The following TIE1 variants were observed in gnomAD, a reference collection of about 807,000 sequenced individuals.
The protein encoded by TIE1 is tyrosine kinase with immunoglobulin like and EGF like domains 1, also known as tyrosine-protein kinase receptor Tie-1.
In TIE1, 89 loss-of-function variants were observed where a neutral mutation model predicts 130.5. The ratio of observed to expected loss-of-function variants is 0.68; its 90% CI spans 0.57 to 0.81. The LOEUF (loss-of-function observed/expected upper bound fraction) is 0.81, where lower values mean the gene tolerates loss of function less well. TIE1 is among the 40% of genes least tolerant of loss of function. The pLI, the probability that TIE1 is intolerant of heterozygous loss-of-function variation, is 0.00. For missense variants in TIE1, 1,392 were observed against 1,559.8 expected (o/e 0.89, Z 1.81); for synonymous variants, 568 against 629.4 (o/e 0.90, Z 1.46).
intron 1 of TIE1, among the ~76,000 whole-genome samples, chr1:43,301,331 T>C (rs374468086): frequency 2.6e-5 from 4 of 152,136 alleles, no homozygotes; most frequent in African/African-American, 4.8e-5. Flanking sequence ...AAAAGAGTTA[T>C]AAACATGGGG....
intron 14 of TIE1, among the ~76,000 whole-genome samples, chr1:43,314,940 A>G (rs1646845053): frequency 6.6e-6 from 1 of 152,110 alleles, no homozygotes; most frequent in Non-Finnish European, 1.5e-5. Flanking sequence ...ACCCCTTCCC[A>G]CTTAGACAAC....
At chr1:43,311,152 T>C (rs1422505109) in intron 9 of TIE1, among the ~76,000 whole-genome samples, 1 of 152,164 alleles carries the variant, frequency 6.6e-6, no homozygotes, top group African/African-American at 2.4e-5. Flanking sequence ...TGTGTGTCCT[T>C]AGGCAAGTTA....
In TIE1 at chr1:43,319,988, A is replaced by AC; in HGVS notation, c.3107+459_3107+460insC. 1 of 221,938 alleles carries AC rather than the reference A, an allele frequency of 4.5e-6. No individual in the cohort carries two copies. The highest frequency in any genetic ancestry group is 9.1e-6 in the Non-Finnish European group (1 of 109,810). 13.7% of individuals were successfully genotyped at this position (221,938 alleles called of 1,614,324 possible). A position where few individuals can be genotyped will look rare whatever the true frequency, so the allele number is the denominator to read the frequency against. On this transcript the variant is annotated intron_variant, in intron 19 of 22. Transcript: ENST00000372476. This position sits in a 1 kb window ranked among gnomAD's most constrained non-coding sequence, Gnocchi z 4.7. ...GCACACTCCTCCTGTCTCTCCAGGGATGTCCATCTTGATCTGAACCTACCC... is the reference window on the plus strand; with the variant it reads ...GCACACTCCTCCTGTCTCTCCAGGGACTGTCCATCTTGATCTGAACCTACCC...
chr1:43,319,437 C>T lies in TIE1; in HGVS notation c.3037-22C>T, dbSNP rs1222253535. 1.2e-6 allele frequency: 2 copies of T among 1,614,030 alleles called. No homozygotes were observed. Among genetic ancestry groups the T allele is most frequent in the South Asian group, 1.1e-5 (1 of 91,064 alleles). ...ACAGGCCCTTCCTCCACACTCAGCC[C>T]CTCAAACCCATTCTCTCCTAGGGGC... On this transcript the variant is annotated intron_variant, in intron 18 of 22. Coordinates refer to ENST00000372476, the MANE Select transcript of TIE1 (RefSeq NM_005424.5). The surrounding 1 kb of genome is among the most constrained non-coding windows in gnomAD (Gnocchi z 4.7).
At chr1:43,305,369 G>A (rs1262261770) in intron 3 of TIE1, 26 bp downstream of exon 3, 2 of 1,518,460 alleles carry the variant, frequency 1.3e-6, no homozygotes, top group East Asian at 4.8e-5. Flanking sequence ...TGAACTGGTG[G>A]GGAGGGTAGA....
In TIE1 at chr1:43,314,415, G is replaced by A. The variant is rs1646839290; in HGVS notation, c.2409+447G>A. Reference sequence around the variant, plus strand: ...TGGGCTCGGGAGCCAGCCTCTGTCTGCACACATCTTTGGCTGATGTTCTTA... The same window carrying A: ...TGGGCTCGGGAGCCAGCCTCTGTCTACACACATCTTTGGCTGATGTTCTTA... On this transcript the variant is annotated intron_variant, in intron 14 of 22. Transcript: ENST00000372476. The A allele has an allele frequency of 9.0e-6, 10 of 1,106,730 alleles. No individual in the cohort carries two copies. The South Asian group carries it at 2.0e-4, about 23-fold the overall frequency. The allele number at this position is 1,106,730 out of a possible 1,614,324, so 68.6% of individuals were successfully genotyped here. A position where few individuals can be genotyped will look rare whatever the true frequency, so the allele number is the denominator to read the frequency against.
chr1:43,307,451 T>G lies in TIE1; in HGVS notation c.792T>G (p.Phe264Leu), dbSNP rs763707391. ...RCEQACREGR[F>L]GQSCQEQCPG... ...TTCTAGCCTGCAGAGAGGGCCGTTT[T>G]GGGCAGAGCTGCCAGGAGCAGTGCC... Residue 264 changes from phenylalanine to leucine, a missense_variant, in exon 6 of 23, where the codon TTT becomes TTG. Phe to Leu is a conservative substitution (Grantham distance 22, BLOSUM62 0). Coordinates refer to ENST00000372476, the MANE Select transcript of TIE1 (RefSeq NM_005424.5). The surrounding 1 kb of genome is among the most constrained non-coding windows in gnomAD (Gnocchi z 5.4). 4.3e-6 allele frequency: 7 copies of G among 1,614,030 alleles called. No individual in the cohort carries two copies. In the East Asian group the frequency reaches 1.6e-4, roughly 36 times the overall value.
intron 14 of TIE1, chr1:43,314,279 T>A (rs1646837488): frequency 1.1e-6 from 1 of 911,744 alleles, no homozygotes; most frequent in African/African-American, 1.7e-5. Flanking sequence ...TTGGAGATTT[T>A]CCTCTCCCCT....
chr1:43,313,631 C>A lies in TIE1; in HGVS notation c.2219-147C>A. ...AAAATCATGTCGCCCCTCTGACACC[C>A]CTCATCCCTTCCTTCATGTGGCCCA... On this transcript the variant is annotated intron_variant, in intron 13 of 22. Coordinates refer to ENST00000372476, the MANE Select transcript of TIE1 (RefSeq NM_005424.5). This position sits in a 1 kb window ranked among gnomAD's most constrained non-coding sequence, Gnocchi z 6.2. 1 of 1,048,464 alleles carries A rather than the reference C, an allele frequency of 9.5e-7. No individual in the cohort carries two copies. The highest frequency in any genetic ancestry group is 1.4e-6 in the Non-Finnish European group (1 of 740,270). The allele number at this position is 1,048,464 out of a possible 1,614,324, so 64.9% of individuals were successfully genotyped here.
In TIE1 at chr1:43,317,417, G is replaced by T. The variant is rs1346066791; in HGVS notation, c.2620+8G>T. On this transcript the variant is annotated splice_region_variant and intron_variant, in intron 15 of 22. Transcript: ENST00000372476. This position sits in a 1 kb window ranked among gnomAD's most constrained non-coding sequence, Gnocchi z 5.1. ...CCATCAAAATGCTGAAAGGTCCACT[G>T]GGGCGACCCCTGGCCCAGCCCTGAT... The T allele has an allele frequency of 6.2e-7, 1 of 1,614,016 alleles. No homozygotes were observed.
Position 43,322,205 on chromosome 1 carries a change from T to G in TIE1, c.3346-446T>G, listed in dbSNP as rs1646927330. 6.6e-6 allele frequency among the ~76,000 whole-genome samples: 1 copy of G among 152,230 alleles called. No individual in the cohort carries two copies. The highest frequency in any genetic ancestry group is 6.5e-5 in the Admixed American group (1 of 15,288). On this transcript the variant is annotated intron_variant, in intron 22 of 22. Coordinates refer to ENST00000372476, the MANE Select transcript of TIE1 (RefSeq NM_005424.5). This position sits in a 1 kb window ranked among gnomAD's most constrained non-coding sequence, Gnocchi z 4.0. ...TAACTCAATCTACTAACCATGTGAA[T>G]AAGTGAATTATCAAATAAATATAAT...
Position 43,312,551 on chromosome 1 carries a change from C to A in TIE1, c.1877C>A (p.Thr626Asn). 1 of 1,613,224 alleles carries A rather than the reference C, an allele frequency of 6.2e-7. No homozygotes were observed. Among genetic ancestry groups the A allele is most frequent in the Non-Finnish European group, 8.5e-7 (1 of 1,179,768 alleles). Residue 626 changes from threonine to asparagine, a missense_variant, in exon 12 of 23, where the codon ACC becomes AAC. Around this residue, in one of 6 missense-constraint regions of TIE1, gnomAD observed 551 missense variants for 565.5 expected, o/e 0.97. Transcript: ENST00000372476. The surrounding 1 kb of genome is among the most constrained non-coding windows in gnomAD (Gnocchi z 5.6). ...CTGGATGTGCAGCTCTACCACTGCACCCTCCTGGGCCCGGCCTCGCCCCCT... is the reference window on the plus strand; with the variant it reads ...CTGGATGTGCAGCTCTACCACTGCAACCTCCTGGGCCCGGCCTCGCCCCCT... ...YQLDVQLYHCTLLGPASPPAH... is the reference protein window; with the variant it reads ...YQLDVQLYHCNLLGPASPPAH...
Position 43,317,619 on chromosome 1 carries a change from C to T in TIE1, c.2676C>T (p.Cys892=). ...RDFAGELEVL[C]KLGHHPNIIN... ...TTGCGGGAGAACTGGAAGTTCTGTG[C>T]AAATTGGGGCATCACCCCAACATCA... is the stretch of plus-strand genomic sequence containing the variant. Residue 892 remains cysteine (C), a synonymous_variant, in exon 16 of 23, where the codon TGC becomes TGT. Coordinates refer to ENST00000372476, the MANE Select transcript of TIE1 (RefSeq NM_005424.5). The surrounding 1 kb of genome is among the most constrained non-coding windows in gnomAD (Gnocchi z 5.1). 3.1e-6 allele frequency: 5 copies of T among 1,607,850 alleles called. No individual in the cohort carries two copies. The highest frequency in any genetic ancestry group is 3.4e-6 in the Non-Finnish European group (4 of 1,175,988).
Position 43,307,615 on chromosome 1 carries a change from G to T in TIE1, c.913+43G>T, listed in dbSNP as rs558714585. On this transcript the variant is annotated intron_variant, in intron 6 of 22. Transcript: ENST00000372476. This position sits in a 1 kb window ranked among gnomAD's most constrained non-coding sequence, Gnocchi z 5.4. ...TCATGGTCCCTGACCAAGACAGCTG[G>T]CCAGGAGCTTGACCCGGACCCTCCA... The T allele has an allele frequency of 2.9e-5, 47 of 1,613,042 alleles. 1 individual carries two copies. The Middle Eastern group carries it at 6.6e-4, about 23-fold the overall frequency.
chr1:43,311,679 G>A lies in TIE1; in HGVS notation c.1342G>A (p.Val448Met), dbSNP rs56302794. The A allele has an allele frequency of 7.3e-4, 1,172 of 1,612,584 alleles. 5 individuals are homozygous for A. Among genetic ancestry groups the A allele is most frequent in the Middle Eastern group, 2.4e-3 (14 of 5,784 alleles). Residue 448 changes from valine to methionine, a missense_variant, in exon 10 of 23, where the codon GTG becomes ATG. By Grantham distance (21) the Val-to-Met change is conservative (BLOSUM62 1). Around this residue, in one of 6 missense-constraint regions of TIE1, gnomAD observed 551 missense variants for 565.5 expected, o/e 0.97. Coordinates refer to ENST00000372476, the MANE Select transcript of TIE1 (RefSeq NM_005424.5). Reference protein sequence around the residue: ...RFKVNVKVPPVPLAAPRLLTK... With the variant: ...RFKVNVKVPPMPLAAPRLLTK... Reference sequence around the variant, plus strand: ...CCTGAGTCTCCTGGCAGTGCCCCCCGTGCCCCTGGCTGCACCTCGGCTCCT... The same window carrying A: ...CCTGAGTCTCCTGGCAGTGCCCCCCATGCCCCTGGCTGCACCTCGGCTCCT...
intron 3 of TIE1, 35 bp downstream of exon 3, chr1:43,305,378 G>A (rs756546577): frequency 2.0e-6 from 3 of 1,490,510 alleles, no homozygotes; most frequent in Non-Finnish European, 2.7e-6. Context: ...GGGGAGGGTA[G>A]ACCCATCGTT....
Position 43,313,611 on chromosome 1 carries a change from C to A in TIE1, c.2219-167C>A. The stretch of plus-strand genomic sequence containing the variant: ...TCCACTGTCCCAGGGCTGGGAAAAT[C>A]ATGTCGCCCCTCTGACACCCCTCAT... On this transcript the variant is annotated intron_variant, in intron 13 of 22. Transcript: ENST00000372476. This position sits in a 1 kb window ranked among gnomAD's most constrained non-coding sequence, Gnocchi z 6.2. 1 of 1,056,500 alleles carries A rather than the reference C, an allele frequency of 9.5e-7. No individual in the cohort carries two copies. Among genetic ancestry groups the A allele is most frequent in the Non-Finnish European group, 1.3e-6 (1 of 747,474 alleles). 65.4% of individuals were successfully genotyped at this position (1,056,500 alleles called of 1,614,324 possible).
At chr1:43,303,828 C>A (rs1333007154) in intron 1 of TIE1, among the ~76,000 whole-genome samples, 1 of 152,146 alleles carries the variant, frequency 6.6e-6, no homozygotes, top group African/African-American at 2.4e-5. Context: ...CGCCAATGTG[C>A]CCTGCTCCAA....
Position 43,319,759 on chromosome 1 carries a change from TTA to T in TIE1, c.3107+232_3107+233del. 1 of 566,768 alleles carries T rather than the reference TTA, an allele frequency of 1.8e-6. No individual in the cohort carries two copies. The highest frequency in any genetic ancestry group is 3.2e-6 in the Non-Finnish European group (1 of 314,994). 35.1% of individuals were successfully genotyped at this position (566,768 alleles called of 1,614,324 possible). Reference sequence around the variant, plus strand: ...GGACTGGGGTAAAGGTAGTTTCGGATTATGTTTGTGTAAGTGACGGGGGATGC... The same window carrying T: ...GGACTGGGGTAAAGGTAGTTTCGGATTGTTTGTGTAAGTGACGGGGGATGC... On this transcript the variant is annotated intron_variant, in intron 19 of 22. Transcript: ENST00000372476. The surrounding 1 kb of genome is among the most constrained non-coding windows in gnomAD (Gnocchi z 4.7).
Sources: allele counts gnomAD v4.1 joint callset (sites outside exome capture counted in the v4.1 genomes callset), GRCh38; gene constraint gnomAD v4.1.1; regional missense constraint gnomAD v4.1.1; non-coding constraint Gnocchi (gnomAD v3.1); transcripts MANE v1.5; gene names NCBI Gene and HGNC (gene_info 2026-07-23, HGNC 2026-07-21).